The following THSD7B variants were observed in gnomAD, a reference collection of about 807,000 sequenced individuals.
THSD7B encodes the protein thrombospondin type 1 domain containing 7B, also known as thrombospondin type-1 domain-containing protein 7B.
THSD7B carries 138 observed loss-of-function variants against 213.6 expected under a neutral mutation model. The ratio of observed to expected loss-of-function variants is 0.65; its 90% confidence interval spans 0.56 to 0.74. The LOEUF (loss-of-function observed/expected upper bound fraction) is 0.74. Ranked by LOEUF, THSD7B falls within the 30% of genes least tolerant of loss-of-function variation. The probability of loss-of-function intolerance (pLI) is 0.00; values close to 1 mark genes in which losing one functional copy is unlikely to be tolerated. For synonymous variants in THSD7B, 742 were observed against 687.0 expected, an observed-to-expected ratio of 1.08 and a Z score of -1.25; for missense variants, 1,931 against 1,991.5, an observed-to-expected ratio of 0.97 and a Z score of 0.58.
chr2:137,080,475 A>G (rs1056344882), intron 3 of THSD7B, among the ~76,000 whole-genome samples: 3 of 151,632 alleles, frequency 2.0e-5, no homozygotes, highest in Non-Finnish European at 4.4e-5. Flanking sequence ...TGGCCTCCCA[A>G]AATGCTGGGA....
At chr2:137,338,187 T>C (rs1684682629) in intron 12 of THSD7B, among the ~76,000 whole-genome samples, 1 of 152,044 alleles carries the variant, frequency 6.6e-6, no homozygotes, top group Non-Finnish European at 1.5e-5. Flanking sequence ...GGTCTTTTTT[T>C]CTCCACATAG....
At chr2:137,603,100 G>A (rs898148662) in intron 17 of THSD7B, among the ~76,000 whole-genome samples, 2 of 152,144 alleles carry the variant, frequency 1.3e-5, no homozygotes, top group Non-Finnish European at 2.9e-5. Flanking sequence ...ATGATGCTTT[G>A]CTGAACTGCT....
intron 20 of THSD7B, among the ~76,000 whole-genome samples, chr2:137,640,816 T>C (rs1193899661): frequency 6.6e-6 from 1 of 152,174 alleles, no homozygotes; most frequent in African/African-American, 2.4e-5. Flanking sequence ...TTTATGAAAA[T>C]ATAAATTAAA....
intron 2 of THSD7B, among the ~76,000 whole-genome samples, chr2:136,957,540 G>C (rs1441912724): frequency 6.7e-6 from 1 of 149,842 alleles, no homozygotes; most frequent in Non-Finnish European, 1.5e-5. Context: ...AGTTTCATTT[G>C]TGTGACTAAA....
At chr2:137,552,727 A>G (rs1680874350) in intron 15 of THSD7B, among the ~76,000 whole-genome samples, 1 of 152,240 alleles carries the variant, frequency 6.6e-6, no homozygotes, top group East Asian at 1.9e-4. Context: ...ATAAAAATGG[A>G]AGCACAACTT....
chr2:136,787,614 G>A (rs1243899030), intron 1 of THSD7B, among the ~76,000 whole-genome samples: 2 of 152,252 alleles, frequency 1.3e-5, no homozygotes, highest in East Asian at 3.9e-4. Flanking sequence ...ATTTGGAGTG[G>A]AATATGAAGT....
chr2:137,568,757 C>G (rs1026636868), intron 16 of THSD7B, among the ~76,000 whole-genome samples: 1 of 152,182 alleles, frequency 6.6e-6, no homozygotes, highest in Non-Finnish European at 1.5e-5. Context: ...CCCCCATAAT[C>G]CGATCACTTC....
At chr2:137,513,316 A>G (rs1275007249) in intron 15 of THSD7B, among the ~76,000 whole-genome samples, 1 of 152,242 alleles carries the variant, frequency 6.6e-6, no homozygotes, top group Non-Finnish European at 1.5e-5. Flanking sequence ...AGGGCATAAT[A>G]AAGTGAGTTG....
intron 5 of THSD7B, among the ~76,000 whole-genome samples, chr2:137,141,517 C>T (rs1055035609): frequency 1.5e-5 from 2 of 129,592 alleles, no homozygotes; most frequent in Non-Finnish European, 3.5e-5. Flanking sequence ...CACACACACA[C>T]ACACAGGAAT....
chr2:136,846,474 G>T (rs1259583165), intron 1 of THSD7B, among the ~76,000 whole-genome samples: 1 of 152,120 alleles, frequency 6.6e-6, no homozygotes, highest in South Asian at 2.1e-4. Context: ...ATGAGAAGCA[G>T]GAGCAACACC....
In THSD7B at chr2:137,056,980, C is replaced by T. The variant is rs997108750; in HGVS notation, c.700C>T (p.Leu234Phe). The T allele has an allele frequency of 1.2e-6, 2 of 1,613,920 alleles. No individual in the cohort carries two copies. Among genetic ancestry groups the T allele is most frequent in the East Asian group, 4.5e-5 (2 of 44,870 alleles). ...RACDAPISCP[L>F]GEEEYTFSLK... is the part of the protein sequence containing the mutation. ...CTGTGATGCTCCCATTTCCTGTCCT[C>T]TTGGGGAAGAGGAATATACATTTAG... Residue 234 changes from leucine (L) to phenylalanine (F), a missense_variant, in exon 3 of 28, where the codon CTT becomes TTT. Leu to Phe is a conservative substitution (Grantham distance 22). Coordinates refer to ENST00000409968, the MANE Select transcript of THSD7B (RefSeq NM_001316349.2).
intron 2 of THSD7B, among the ~76,000 whole-genome samples, chr2:136,933,571 T>C (rs998817536): frequency 9.9e-5 from 15 of 152,084 alleles, no homozygotes; most frequent in Non-Finnish European, 2.1e-4. Flanking sequence ...AGAGGGAGAC[T>C]CTGTCTCAAA....
chr2:136,915,889 C>T (rs1284032176), intron 2 of THSD7B, among the ~76,000 whole-genome samples: 1 of 152,190 alleles, frequency 6.6e-6, no homozygotes. Context: ...AGTACATTTT[C>T]AGGTCTATAA....
intron 2 of THSD7B, among the ~76,000 whole-genome samples, chr2:136,996,563 C>T (rs1685894927): frequency 6.6e-6 from 1 of 152,068 alleles, no homozygotes; most frequent in South Asian, 2.1e-4. Context: ...CCAGGCTAGT[C>T]TTAAACCCCT....
At chr2:137,590,811 T>A (rs1681849379) in intron 17 of THSD7B, among the ~76,000 whole-genome samples, 1 of 148,674 alleles carries the variant, frequency 6.7e-6, no homozygotes, top group Admixed American at 6.7e-5. Flanking sequence ...TTTTTTTTTT[T>A]TTAGCTAAGG....
intron 1 of THSD7B, among the ~76,000 whole-genome samples, chr2:136,864,806 C>A (rs1438739184): frequency 6.6e-6 from 1 of 152,192 alleles, no homozygotes; most frequent in African/African-American, 2.4e-5. Flanking sequence ...CCCACCTTGG[C>A]CTCCCAAAGT....
chr2:137,240,946 T>G (rs2105063822), intron 9 of THSD7B, among the ~76,000 whole-genome samples: 1 of 152,322 alleles, frequency 6.6e-6, no homozygotes, highest in East Asian at 1.9e-4. Context: ...TCCTCATCAA[T>G]TTTCTCTTTT....
intron 1 of THSD7B, among the ~76,000 whole-genome samples, chr2:136,863,818 T>C (rs995786081): frequency 6.6e-6 from 1 of 152,164 alleles, no homozygotes; most frequent in African/African-American, 2.4e-5. Flanking sequence ...GATATTAACC[T>C]CTTACAAGGG....
At chr2:137,518,754 C>A (rs1680122315) in intron 15 of THSD7B, among the ~76,000 whole-genome samples, 1 of 152,172 alleles carries the variant, frequency 6.6e-6, no homozygotes, top group Non-Finnish European at 1.5e-5. Context: ...TACGCATGGG[C>A]TCAGCAACGT....
Sources: allele counts gnomAD v4.1 joint callset (sites outside exome capture counted in the v4.1 genomes callset), GRCh38; gene constraint gnomAD v4.1.1; transcripts MANE v1.5; gene names NCBI Gene and HGNC (gene_info 2026-07-23, HGNC 2026-07-21).